The following PTPRT variants were observed in gnomAD, a reference collection of about 807,000 sequenced individuals.
PTPRT encodes receptor-type tyrosine-protein phosphatase T.
Under a neutral mutation model 176.8 loss-of-function variants are expected in PTPRT, and 56 were observed. That is an observed-to-expected ratio of 0.32 (90% CI 0.26 to 0.40). The LOEUF (loss-of-function observed/expected upper bound fraction) is 0.40. Ranked by LOEUF, PTPRT falls within the 10% of genes least tolerant of loss-of-function variation. PTPRT has a pLI of 1.00. For missense variants in PTPRT, 1,540 were observed against 1,908.2 expected (o/e 0.81, Z 3.60); for synonymous variants, 783 against 739.0 (o/e 1.06, Z -0.96).
At chr20:42,839,704 G>A (rs553337347) in intron 2 of PTPRT, among the ~76,000 whole-genome samples, 1 of 152,346 alleles carries the variant, frequency 6.6e-6, no homozygotes, top group South Asian at 2.1e-4. Context: ...GTATGGCATA[G>A]TCTGGAGGGT....
At chr20:42,254,000 T>C (rs2056593448) in intron 13 of PTPRT, among the ~76,000 whole-genome samples, 1 of 152,228 alleles carries the variant, frequency 6.6e-6, no homozygotes, top group South Asian at 2.1e-4. Context: ...TATGGAAACC[T>C]GGTGCACAAG....
At chr20:42,673,577 A>C (rs1362324627) in intron 7 of PTPRT, among the ~76,000 whole-genome samples, 1 of 152,130 alleles carries the variant, frequency 6.6e-6, no homozygotes, top group East Asian at 1.9e-4. Context: ...AGGTGCCAGC[A>C]GATTAAGTGT....
intron 9 of PTPRT, among the ~76,000 whole-genome samples, chr20:42,385,593 T>A (rs1028101379): frequency 2.6e-5 from 4 of 152,226 alleles, no homozygotes; most frequent in Admixed American, 2.6e-4. Context: ...GTTCTCATGC[T>A]AATAAAGACA....
At chr20:42,554,050 A>G (rs1461094163) in intron 7 of PTPRT, among the ~76,000 whole-genome samples, 3 of 152,114 alleles carry the variant, frequency 2.0e-5, no homozygotes, top group Non-Finnish European at 4.4e-5. Context: ...TAGAGCACCT[A>G]TATCTAAGGC....
intron 4 of PTPRT, 36 bp downstream of exon 4, chr20:42,780,182 G>A (rs1029729057): frequency 1.9e-6 from 3 of 1,544,694 alleles, no homozygotes; most frequent in Non-Finnish European, 2.7e-6. Context: ...GTCTGGCATG[G>A]ATCAAGGCTG....
chr20:42,919,183 A>G (rs1387425762), intron 1 of PTPRT, among the ~76,000 whole-genome samples: 1 of 152,202 alleles, frequency 6.6e-6, no homozygotes, highest in African/African-American at 2.4e-5. Context: ...CAGAGATGGC[A>G]TAAAGGGACA....
intron 1 of PTPRT, among the ~76,000 whole-genome samples, chr20:43,062,775 C>T (rs1236489343): frequency 6.6e-6 from 1 of 152,180 alleles, no homozygotes; most frequent in African/African-American, 2.4e-5. Context: ...GCCTAGGTAA[C>T]TCCATGGGAG....
intron 7 of PTPRT, among the ~76,000 whole-genome samples, chr20:42,603,877 C>T (rs2145798607): frequency 6.6e-6 from 1 of 152,324 alleles, no homozygotes; most frequent in African/African-American, 2.4e-5. Flanking sequence ...CAGACTCCCT[C>T]CTCCATGCAT....
At chr20:42,846,813 G>A (rs1367652191) in intron 2 of PTPRT, among the ~76,000 whole-genome samples, 1 of 152,176 alleles carries the variant, frequency 6.6e-6, no homozygotes, top group African/African-American at 2.4e-5. Flanking sequence ...GAAGGCTACA[G>A]AGCCTGATTT....
chr20:42,199,427 T>A, intron 15 of PTPRT, 39 bp from the exon 16 acceptor site: 1 of 1,601,384 alleles, frequency 6.2e-7, no homozygotes, highest in East Asian at 2.2e-5. Context: ...CACAGTCAGA[T>A]GGTGCCAGTT....
chr20:43,166,060 C>T (rs558516455), intron 1 of PTPRT, among the ~76,000 whole-genome samples: 11 of 151,920 alleles, frequency 7.2e-5, no homozygotes, highest in East Asian at 1.9e-4. Flanking sequence ...CATGGTGGCA[C>T]GCACCTGTAA....
At chr20:42,573,832 T>C (rs2073206877) in intron 7 of PTPRT, among the ~76,000 whole-genome samples, 1 of 143,996 alleles carries the variant, frequency 6.9e-6, no homozygotes, top group African/African-American at 2.6e-5. Context: ...CACTGCATGC[T>C]CCGCCCCTCC....
chr20:42,460,477 C>T (rs2070999253), intron 8 of PTPRT, among the ~76,000 whole-genome samples: 1 of 152,098 alleles, frequency 6.6e-6, no homozygotes. Context: ...GGTATGGATA[C>T]GAATGGGAAA....
At chr20:42,321,157 G>A (rs1175547154) in intron 11 of PTPRT, among the ~76,000 whole-genome samples, 1 of 152,194 alleles carries the variant, frequency 6.6e-6, no homozygotes, top group African/African-American at 2.4e-5. Context: ...ACCAATCATA[G>A]TGGCTTCTCC....
At chr20:42,320,411 T>C (rs1416126511) in intron 11 of PTPRT, among the ~76,000 whole-genome samples, 4 of 152,184 alleles carry the variant, frequency 2.6e-5, no homozygotes, top group South Asian at 2.1e-4. Flanking sequence ...CCTCTTTCTA[T>C]ATCTAGAAAA....
chr20:42,597,605 T>C (rs1052408408), intron 7 of PTPRT, among the ~76,000 whole-genome samples: 6 of 152,194 alleles, frequency 3.9e-5, no homozygotes, highest in African/African-American at 1.4e-4. Flanking sequence ...TTTCTCCTGC[T>C]CTGGCCATGT....
chr20:42,937,726 A>C (rs1027898085), intron 1 of PTPRT, among the ~76,000 whole-genome samples: 10 of 152,356 alleles, frequency 6.6e-5, no homozygotes, highest in African/African-American at 1.7e-4. Context: ...TCTGTGAATC[A>C]CACTTGGTAA....
intron 7 of PTPRT, among the ~76,000 whole-genome samples, chr20:42,641,906 C>CT (rs1205055900): frequency 2.0e-5 from 3 of 152,190 alleles, no homozygotes; most frequent in Non-Finnish European, 2.9e-5. Flanking sequence ...CTCATACTGA[C>CT]TTCTAAGCGT....
chr20:43,127,390 T>C (rs2013485661), intron 1 of PTPRT, among the ~76,000 whole-genome samples: 1 of 145,556 alleles, frequency 6.9e-6, no homozygotes, highest in Non-Finnish European at 1.5e-5. Flanking sequence ...GCCACTGCAC[T>C]CCTGCCTGGG....
Sources: allele counts gnomAD v4.1 joint callset (sites outside exome capture counted in the v4.1 genomes callset), GRCh38; gene constraint gnomAD v4.1.1; transcripts MANE v1.5; gene names NCBI Gene and HGNC (gene_info 2026-07-23, HGNC 2026-07-21).